Variants in RSBN1L observed in about 807,000 individuals in gnomAD.
RSBN1L encodes round spermatid basic protein 1 like.
A neutral mutation model predicts 67.7 loss-of-function variants in RSBN1L; 30 were observed. The observed-to-expected ratio is 0.44, with a 90% confidence interval of 0.33 to 0.60. The LOEUF (loss-of-function observed/expected upper bound fraction) is 0.60. RSBN1L is among the 20% of genes least tolerant of loss of function. The pLI is 0.02. For missense variants in RSBN1L, 992 were observed against 1,031.7 expected (o/e 0.96, Z 0.53); for synonymous variants, 433 against 387.0 (o/e 1.12, Z -1.39).
intron 6 of RSBN1L, among the ~76,000 whole-genome samples, chr7:77,777,533 A>G (rs1434865703): frequency 6.6e-6 from 1 of 151,840 alleles, no homozygotes; most frequent in Admixed American, 6.6e-5. Context: ...TTTTCTTCTA[A>G]TACTTTAAAA....
At chr7:77,759,627 C>G (rs566617819) in intron 3 of RSBN1L, 1 of 152,122 alleles carries the variant, frequency 6.6e-6, no homozygotes, top group Non-Finnish European at 1.5e-5. Flanking sequence ...GCTCCCACCC[C>G]CCTCAATTCT....
chr7:77,756,035 A>G (rs1161223018), intron 3 of RSBN1L, among the ~76,000 whole-genome samples: 1 of 152,214 alleles, frequency 6.6e-6, no homozygotes, highest in Non-Finnish European at 1.5e-5. Context: ...ATCTAGTTAA[A>G]ACTAGTCCAA....
At chr7:77,720,114 ATTG>A (rs1429096045) in intron 1 of RSBN1L, among the ~76,000 whole-genome samples, 20 of 151,916 alleles carry the variant, frequency 1.3e-4, no homozygotes, top group African/African-American at 4.8e-4. Flanking sequence ...TCTTGTGACT[ATTG>A]TTATTGTAGT....
At chr7:77,726,662 T>C (rs1791207234) in intron 1 of RSBN1L, among the ~76,000 whole-genome samples, 1 of 152,022 alleles carries the variant, frequency 6.6e-6, no homozygotes. Flanking sequence ...CAGGCTGGAG[T>C]GCAGTGGCGC....
rs188134988 is a variant in RSBN1L, at chr7:77,714,043, T to C, written c.586+16988T>C. Among the ~76,000 whole-genome samples, 357 of 152,336 alleles carry C rather than the reference T, an allele frequency of 2.3e-3. 2 individuals are homozygous for C. The highest frequency in any genetic ancestry group is 8.1e-3 in the African/African-American group (337 of 41,594). On this transcript the variant is annotated intron_variant, in intron 1 of 7. Coordinates refer to ENST00000334955, the MANE Select transcript of RSBN1L (RefSeq NM_198467.3). ...AGATGTAGAATGCTAATGTTTATCA[T>C]ACTAAAATCACATGTGTAGTTGGGT...
At chr7:77,757,665 T>C (rs1324498435) in intron 3 of RSBN1L, among the ~76,000 whole-genome samples, 1 of 152,262 alleles carries the variant, frequency 6.6e-6, no homozygotes, top group African/African-American at 2.4e-5. Context: ...GGCTTCATTC[T>C]TATGTCTGAT....
rs200230504 is a variant in RSBN1L at position 77,747,911 on chromosome 7, C to CG, written c.704-1506dup. Among the ~76,000 whole-genome samples the CG allele has an allele frequency of 8.5e-3, 1,263 of 148,322 alleles. 6 individuals are homozygous for CG. Among genetic ancestry groups the CG allele is most frequent in the South Asian group, 0.018 (82 of 4,654 alleles). On this transcript the variant is annotated intron_variant, in intron 2 of 7. Coordinates refer to ENST00000334955, the MANE Select transcript of RSBN1L (RefSeq NM_198467.3). The stretch of plus-strand genomic sequence containing the variant: ...TGATGCTGGCATCTGCTCAGCTTCT[C>CG]GGGGGGGAGCTCAGGAAACTTTCAG...
intron 1 of RSBN1L, among the ~76,000 whole-genome samples, chr7:77,702,229 G>C (rs548114849): frequency 6.6e-6 from 1 of 152,308 alleles, no homozygotes; most frequent in South Asian, 2.1e-4. Flanking sequence ...GCCTCCCAAA[G>C]TGCTGGTATT....
intron 1 of RSBN1L, among the ~76,000 whole-genome samples, chr7:77,728,675 G>A (rs982425886): frequency 6.6e-6 from 1 of 152,182 alleles, no homozygotes; most frequent in African/African-American, 2.4e-5. Flanking sequence ...TGCGGATTAA[G>A]GCAGAAATTG....
intron 6 of RSBN1L, among the ~76,000 whole-genome samples, chr7:77,773,750 A>G (rs1271697144): frequency 1.3e-5 from 2 of 152,182 alleles, no homozygotes; most frequent in East Asian, 3.9e-4. Flanking sequence ...GTGACAGAGC[A>G]AGACTCCATC....
At chr7:77,713,621 G>A (rs1321978889) in intron 1 of RSBN1L, among the ~76,000 whole-genome samples, 1 of 151,056 alleles carries the variant, frequency 6.6e-6, no homozygotes, top group Non-Finnish European at 1.5e-5. Context: ...CTCCCAAAGT[G>A]CTGGGATTAC....
At chr7:77,714,837 C>T (rs1303088125) in intron 1 of RSBN1L, among the ~76,000 whole-genome samples, 3 of 151,956 alleles carry the variant, frequency 2.0e-5, no homozygotes, top group African/African-American at 7.3e-5. Context: ...GTGGCAGGCG[C>T]CTGTAGTCCC....
rs140983372 is a variant in RSBN1L at position 77,748,255 on chromosome 7, CA to C, written c.704-1164del. On this transcript the variant is annotated intron_variant, in intron 2 of 7. Coordinates refer to ENST00000334955, the MANE Select transcript of RSBN1L (RefSeq NM_198467.3). The stretch of plus-strand genomic sequence containing the variant: ...AGAGACAGTTATGCAGCTGTTAGAC[CA>C]AAAATTAAGACAGTGGCATCAAGGA... Among the ~76,000 whole-genome samples, 635 of 152,086 alleles carry C rather than the reference CA, an allele frequency of 4.2e-3. 7 individuals are homozygous for C. Among genetic ancestry groups the C allele is most frequent in the African/African-American group, 0.015 (620 of 41,494 alleles).
chr7:77,727,645 C>G (rs62460711), intron 1 of RSBN1L, among the ~76,000 whole-genome samples: 1 of 149,588 alleles, frequency 6.7e-6, no homozygotes, highest in Non-Finnish European at 1.5e-5. Context: ...TTTTTTTCCC[C>G]TGTAGAGACA....
intron 4 of RSBN1L, among the ~76,000 whole-genome samples, chr7:77,767,725 C>T (rs1249303277): frequency 2.6e-5 from 3 of 115,492 alleles, no homozygotes; most frequent in South Asian, 3.0e-4. Context: ...TCTCTCGCCT[C>T]GCCTCCCCTC....
chr7:77,775,376 A>G (rs1791900040), intron 6 of RSBN1L, among the ~76,000 whole-genome samples: 1 of 152,126 alleles, frequency 6.6e-6, no homozygotes, highest in Non-Finnish European at 1.5e-5. Context: ...CTCTCCTAAA[A>G]ATACAAAAAT....
At chr7:77,734,819 C>A (rs1322841124) in intron 1 of RSBN1L, among the ~76,000 whole-genome samples, 1 of 152,052 alleles carries the variant, frequency 6.6e-6, no homozygotes, top group Non-Finnish European at 1.5e-5. Flanking sequence ...AGACAGCAGC[C>A]TATGACAGGA....
chr7:77,749,730 T>C lies in RSBN1L; in HGVS notation c.1010T>C (p.Leu337Pro). 1 of 1,614,172 alleles carries C rather than the reference T, an allele frequency of 6.2e-7. No homozygotes were observed. The highest frequency in any genetic ancestry group is 8.5e-7 in the Non-Finnish European group (1 of 1,180,008). ...SLKEPRVQNNLKRLDTLEFKQ... is the reference protein window; with the variant it reads ...SLKEPRVQNNPKRLDTLEFKQ... ...AAGGAGCCACGAGTTCAGAATAACC[T>C]CAAAAGGTTGGACACTTTGGAATTT... The change falls in exon 3 of 8, where the codon CTC becomes CCC. Residue 337 changes from leucine to proline, a missense_variant. Around this residue, in one of 7 missense-constraint regions of RSBN1L, gnomAD observed 575 missense variants for 483.2 expected, o/e 1.19. Coordinates refer to ENST00000334955, the MANE Select transcript of RSBN1L (RefSeq NM_198467.3).
chr7:77,756,844 C>A (rs978947605), intron 3 of RSBN1L, among the ~76,000 whole-genome samples: 8 of 151,904 alleles, frequency 5.3e-5, no homozygotes, highest in Admixed American at 6.6e-5. Flanking sequence ...CATTTTTAAT[C>A]GATAAAAGAG....
Sources: allele counts gnomAD v4.1 joint callset (sites outside exome capture counted in the v4.1 genomes callset), GRCh38; gene constraint gnomAD v4.1.1; regional missense constraint gnomAD v4.1.1; transcripts MANE v1.5; gene names NCBI Gene and HGNC (gene_info 2026-07-23, HGNC 2026-07-21).